Variants in SRGAP1 observed in about 807,000 individuals in gnomAD.
The protein encoded by SRGAP1 is SLIT-ROBO Rho GTPase-activating protein 1.
Under a neutral mutation model 121.9 loss-of-function variants are expected in SRGAP1, and 43 were observed. That is an observed-to-expected ratio of 0.35 (90% CI 0.28 to 0.46). The LOEUF (loss-of-function observed/expected upper bound fraction) is 0.46. Ranked by LOEUF, SRGAP1 falls within the 20% of genes least tolerant of loss-of-function variation. The probability of loss-of-function intolerance (pLI) is 1.00; values close to 1 mark genes in which losing one functional copy is unlikely to be tolerated. For synonymous variants in SRGAP1, 447 were observed against 485.4 expected, an observed-to-expected ratio of 0.92 and a Z score of 1.04; for missense variants, 1,102 against 1,350.9, an observed-to-expected ratio of 0.82 and a Z score of 2.89.
intron 4 of SRGAP1, among the ~76,000 whole-genome samples, chr12:64,021,539 G>T (rs959362943): frequency 6.6e-6 from 1 of 152,192 alleles, no homozygotes; most frequent in Non-Finnish European, 1.5e-5. Context: ...GCCCCAGGGT[G>T]CACAGTAAGT....
chr12:63,958,031 TC>T (rs1394811954), intron 1 of SRGAP1, among the ~76,000 whole-genome samples: 1 of 151,656 alleles, frequency 6.6e-6, no homozygotes, highest in Non-Finnish European at 1.5e-5. Flanking sequence ...TGAGTACCTA[TC>T]TGAAGTCTTT....
intron 4 of SRGAP1, among the ~76,000 whole-genome samples, chr12:64,031,557 G>A (rs556442661): frequency 2.0e-5 from 3 of 152,150 alleles, no homozygotes; most frequent in East Asian, 3.9e-4. Flanking sequence ...TCTCTGCATG[G>A]GAGACTGAAG....
At chr12:63,996,236 T>G (rs559153849) in intron 3 of SRGAP1, among the ~76,000 whole-genome samples, 2 of 152,208 alleles carry the variant, frequency 1.3e-5, no homozygotes, top group South Asian at 4.1e-4. Context: ...TATATGTGTA[T>G]ACATATACTT....
At chr12:63,919,938 C>A in intron 1 of SRGAP1, among the ~76,000 whole-genome samples, 1 of 152,170 alleles carries the variant, frequency 6.6e-6, no homozygotes, top group Admixed American at 6.5e-5. Flanking sequence ...CAGCTTTCTG[C>A]TATTTGAACA....
intron 4 of SRGAP1, among the ~76,000 whole-genome samples, chr12:64,029,488 A>G (rs895621523): frequency 7.9e-5 from 12 of 152,152 alleles, no homozygotes; most frequent in African/African-American, 2.9e-4. Context: ...ACCAGACTAC[A>G]TAGAGATCTC....
intron 1 of SRGAP1, among the ~76,000 whole-genome samples, chr12:63,968,667 G>A (rs2032850535): frequency 6.6e-6 from 1 of 152,194 alleles, no homozygotes; most frequent in Non-Finnish European, 1.5e-5. Flanking sequence ...GCTGAACAAC[G>A]TGAAGTGTTT....
chr12:63,953,765 C>G lies in SRGAP1; in HGVS notation c.68-30182C>G, dbSNP rs139492074. Among the ~76,000 whole-genome samples the G allele has an allele frequency of 3.6e-3, 541 of 152,130 alleles. 2 individuals are homozygous for G. Among genetic ancestry groups the G allele is most frequent in the African/African-American group, 0.012 (515 of 41,504 alleles). ...ATAAGGTTAAAGGAAACCATTCCTT[C>G]CAGACTTTCATCCTTGCTGCCATCT... On this transcript the variant is annotated intron_variant, in intron 1 of 21. Coordinates refer to ENST00000355086, the MANE Select transcript of SRGAP1 (RefSeq NM_020762.4).
chr12:64,144,885 CCCAGG>C lies in SRGAP1; in HGVS notation c.*2218_*2222del, dbSNP rs1368102333. The C allele has an allele frequency of 7.7e-6, 1 of 130,054 alleles. No individual in the cohort carries two copies. The highest frequency in any genetic ancestry group is 1.6e-5 in the Non-Finnish European group (1 of 63,686). 8.1% of individuals were successfully genotyped at this position (130,054 alleles called of 1,614,324 possible). A position where few individuals can be genotyped will look rare whatever the true frequency, so the allele number is the denominator to read the frequency against. On this transcript the variant is annotated 3_prime_UTR_variant, in exon 22 of 22. Transcript: ENST00000355086. Reference sequence around the variant, plus strand: ...TTTGAGTTGGAGTCTTGCTCTGTCGCCCAGGCCAGAGTACAGTGGTGCAATCTCGG... The same window carrying C: ...TTTGAGTTGGAGTCTTGCTCTGTCGCCCAGAGTACAGTGGTGCAATCTCGG...
chr12:63,964,033 T>C (rs973855402), intron 1 of SRGAP1, among the ~76,000 whole-genome samples: 5 of 152,150 alleles, frequency 3.3e-5, no homozygotes, highest in African/African-American at 4.8e-5. Context: ...TGGTTTGATT[T>C]TTTTTCCCCT....
rs1472498588 is a variant in SRGAP1, at chr12:63,870,135, TA to T, written c.67+25254del. 1.2e-4 allele frequency among the ~76,000 whole-genome samples: 19 copies of T among 152,364 alleles called. No individual in the cohort carries two copies. In the East Asian group the frequency reaches 3.7e-3, roughly 29 times the overall value. The stretch of plus-strand genomic sequence containing the variant: ...GGAAGAATGATTGCCATCTTTGACC[TA>T]ATAAGAGTTTATAAGGTCAGATAAA... On this transcript the variant is annotated intron_variant, in intron 1 of 21. Coordinates refer to ENST00000355086, the MANE Select transcript of SRGAP1 (RefSeq NM_020762.4).
chr12:64,080,009 G>A (rs1254372441), intron 9 of SRGAP1, among the ~76,000 whole-genome samples: 2 of 152,156 alleles, frequency 1.3e-5, no homozygotes, highest in African/African-American at 4.8e-5. Context: ...TTGGGAGGCC[G>A]AGGCAGGCGG....
intron 15 of SRGAP1, among the ~76,000 whole-genome samples, chr12:64,103,856 A>C (rs1179165071): frequency 6.6e-6 from 1 of 152,330 alleles, no homozygotes; most frequent in East Asian, 1.9e-4. Flanking sequence ...TCAGTCTGTT[A>C]AACAATTATA....
At chr12:64,093,329 C>G (rs915879154) in intron 12 of SRGAP1, among the ~76,000 whole-genome samples, 1 of 152,004 alleles carries the variant, frequency 6.6e-6, no homozygotes, top group South Asian at 2.1e-4. Context: ...CTGATCATAG[C>G]TTTTTTAAAA....
intron 1 of SRGAP1, among the ~76,000 whole-genome samples, chr12:63,935,521 A>G (rs1341159885): frequency 6.6e-6 from 1 of 152,226 alleles, no homozygotes; most frequent in Non-Finnish European, 1.5e-5. Context: ...GTTTGGTATC[A>G]TGTCTTTAAG....
At chr12:64,133,973 T>C (rs530182490) in intron 21 of SRGAP1, among the ~76,000 whole-genome samples, 8 of 152,202 alleles carry the variant, frequency 5.3e-5, no homozygotes, top group African/African-American at 1.7e-4. Context: ...GATGATTGAG[T>C]GTCGCCTTGC....
intron 1 of SRGAP1, among the ~76,000 whole-genome samples, chr12:63,957,702 C>T (rs1411892235): frequency 6.6e-6 from 1 of 152,216 alleles, no homozygotes; most frequent in South Asian, 2.1e-4. Context: ...GTGAAACATA[C>T]GGGCCGATAG....
At chr12:64,085,638 A>G (rs1056038181) in intron 10 of SRGAP1, among the ~76,000 whole-genome samples, 11 of 152,210 alleles carry the variant, frequency 7.2e-5, no homozygotes, top group African/African-American at 2.7e-4. Context: ...TCAGCTCACC[A>G]TCTGCCCACT....
At chr12:63,880,922 T>G (rs1900174542) in intron 1 of SRGAP1, among the ~76,000 whole-genome samples, 1 of 152,118 alleles carries the variant, frequency 6.6e-6, no homozygotes, top group African/African-American at 2.4e-5. Flanking sequence ...TCACCAGCCT[T>G]CCTTTATCTG....
intron 1 of SRGAP1, among the ~76,000 whole-genome samples, chr12:63,884,762 C>A (rs1318422246): frequency 6.7e-6 from 1 of 148,194 alleles, no homozygotes; most frequent in Non-Finnish European, 1.5e-5. Flanking sequence ...TGCTCTGTCG[C>A]CCAGGCTGGA....
Sources: gnomAD v4.1 joint callset for allele counts (sites outside exome capture counted in the v4.1 genomes callset) on GRCh38, gnomAD v4.1.1 for gene constraint, MANE v1.5 for transcripts, NCBI Gene and HGNC (gene_info 2026-07-23, HGNC 2026-07-21) for gene names.